Variants in FAM114A2 observed in about 807,000 individuals in gnomAD.
The protein encoded by FAM114A2 is protein FAM114A2.
In FAM114A2, 53 loss-of-function variants were observed where a neutral mutation model predicts 58.4. The observed-to-expected ratio is 0.91, with a 90% CI of 0.73 to 1.14. The LOEUF is 1.14. FAM114A2 is among the 50% of genes most tolerant of loss of function. The pLI, the probability that FAM114A2 is intolerant of heterozygous loss-of-function variation, is 0.00. For synonymous variants in FAM114A2, 228 were observed against 211.4 expected (o/e 1.08, Z -0.68); for missense variants, 601 against 581.1 (o/e 1.03, Z -0.35).
chr5:154,029,632 A>C, intron 4 of FAM114A2, 52 bp from the exon 5 acceptor site: 8 of 963,704 alleles, frequency 8.3e-6, no homozygotes, highest in African/African-American at 1.6e-5. Context: ...CTTAACTCTC[A>C]GGCTTTATTA....
At position 154,034,177 on chromosome 5, in the gene FAM114A2, T is replaced by C. The variant is rs969565172; in HGVS notation, c.310+101A>G. Reference sequence around the variant, plus strand: ...ATCCTCAAATTATAAAGCCTTTGAGTAAACATGGAAGGAAGAAGAATTTTA... The same window carrying C: ...ATCCTCAAATTATAAAGCCTTTGAGCAAACATGGAAGGAAGAAGAATTTTA... On this transcript the variant is annotated intron_variant, in intron 3 of 13. Coordinates refer to ENST00000351797, the MANE Select transcript of FAM114A2 (RefSeq NM_018691.4). 2.1e-5 allele frequency: 16 copies of C among 750,098 alleles called. No homozygotes were observed. In the Admixed American group the frequency reaches 4.3e-4, roughly 20 times the overall value. 46.5% of individuals were successfully genotyped at this position (750,098 alleles called of 1,614,324 possible).
intron 8 of FAM114A2, among the ~76,000 whole-genome samples, chr5:154,016,105 A>G (rs1771022456): frequency 6.6e-6 from 1 of 152,144 alleles, no homozygotes; most frequent in Non-Finnish European, 1.5e-5. Context: ...AAAGCATCCA[A>G]GAAGTCTGGG....
chr5:154,013,901 C>T (rs1402547819), intron 8 of FAM114A2, among the ~76,000 whole-genome samples: 2 of 152,102 alleles, frequency 1.3e-5, no homozygotes, highest in Non-Finnish European at 2.9e-5. Context: ...TACTATATGC[C>T]ACATATTAAA....
Position 153,992,931 on chromosome 5 carries a change from C to A in FAM114A2, c.*45G>T. 6.3e-7 allele frequency: 1 copy of A among 1,580,738 alleles called. No homozygotes were observed. ...TGCAGGAGTAGCCAGAATAAGGTGG[C>A]ATTCCTTGGCCGTCACAAGTCCCAG... is the stretch of plus-strand genomic sequence containing the variant. On this transcript the variant is annotated 3_prime_UTR_variant, in exon 14 of 14. Coordinates refer to ENST00000351797, the MANE Select transcript of FAM114A2 (RefSeq NM_018691.4).
At chr5:154,023,344 T>A (rs1275165066) in intron 8 of FAM114A2, among the ~76,000 whole-genome samples, 1 of 151,936 alleles carries the variant, frequency 6.6e-6, no homozygotes, top group South Asian at 2.1e-4. Flanking sequence ...GCAGCACAAT[T>A]CAAAAGTGCA....
intron 5 of FAM114A2, among the ~76,000 whole-genome samples, chr5:154,028,767 T>C (rs1771974568): frequency 6.6e-6 from 1 of 152,232 alleles, no homozygotes; most frequent in Non-Finnish European, 1.5e-5. Context: ...ATACTATATA[T>C]GATTCCACTT....
chr5:154,034,485 G>T, intron 2 of FAM114A2, 108 bp from the exon 3 acceptor site: 1 of 679,742 alleles, frequency 1.5e-6, no homozygotes, highest in South Asian at 2.0e-5. Context: ...AAGCATGGGT[G>T]AACAAATACA....
intron 1 of FAM114A2, among the ~76,000 whole-genome samples, chr5:154,037,584 T>C (rs1319980012): frequency 6.6e-6 from 1 of 152,230 alleles, no homozygotes. Flanking sequence ...TATCTTTTCC[T>C]TATGCTCTCT....
chr5:154,032,901 C>A (rs1472220487), intron 4 of FAM114A2, among the ~76,000 whole-genome samples: 2 of 152,172 alleles, frequency 1.3e-5, no homozygotes, highest in Non-Finnish European at 2.9e-5. Flanking sequence ...GACTTTCATT[C>A]ACACATGCTG....
At chr5:154,003,681 G>C (rs1770161093) in intron 9 of FAM114A2, among the ~76,000 whole-genome samples, 3 of 152,030 alleles carry the variant, frequency 2.0e-5, no homozygotes, top group Non-Finnish European at 2.9e-5. Context: ...CCTGCCCAAA[G>C]ACAAACCCTC....
chr5:153,997,934 T>C (rs1769691837), intron 11 of FAM114A2, 59 bp from the exon 12 acceptor site: 2 of 1,028,250 alleles, frequency 1.9e-6, no homozygotes, highest in Admixed American at 3.9e-5. Context: ...ATAAGTTATA[T>C]TTAACAATTG....
intron 8 of FAM114A2, 70 bp from the exon 9 acceptor site, chr5:154,011,390 G>A: frequency 9.9e-7 from 1 of 1,007,970 alleles, no homozygotes; most frequent in Admixed American, 1.8e-5. Context: ...CAGGCGAGGA[G>A]GAAGAGGAGA....
intron 8 of FAM114A2, among the ~76,000 whole-genome samples, chr5:154,015,051 T>C (rs1400989203): frequency 6.6e-6 from 1 of 152,056 alleles, no homozygotes; most frequent in Non-Finnish European, 1.5e-5. Flanking sequence ...ACAACCTGCA[T>C]GACACAGCAG....
At chr5:154,014,511 C>A (rs939362030) in intron 8 of FAM114A2, among the ~76,000 whole-genome samples, 1 of 152,134 alleles carries the variant, frequency 6.6e-6, no homozygotes, top group Non-Finnish European at 1.5e-5. Flanking sequence ...AAAGGGAGAT[C>A]ATCTACCCCA....
intron 11 of FAM114A2, among the ~76,000 whole-genome samples, chr5:153,999,813 T>C (rs1769849715): frequency 6.6e-6 from 1 of 152,012 alleles, no homozygotes; most frequent in Non-Finnish European, 1.5e-5. Context: ...ATAAATTATA[T>C]CAAAGGGATA....
At chr5:154,026,283 A>G (rs979515611) in intron 8 of FAM114A2, 116 bp downstream of exon 8, 29 of 783,962 alleles carry the variant, frequency 3.7e-5, no homozygotes, top group Non-Finnish European at 4.8e-5. Context: ...AAAAATTTTC[A>G]CCAAAAAAGT....
intron 8 of FAM114A2, among the ~76,000 whole-genome samples, chr5:154,019,783 A>C (rs146956392): frequency 8.5e-4 from 130 of 152,310 alleles, no homozygotes; most frequent in African/African-American, 3.0e-3. Flanking sequence ...GAAGTAGGGA[A>C]AGGACACCCT....
At chr5:154,012,925 A>G (rs997815674) in intron 8 of FAM114A2, among the ~76,000 whole-genome samples, 2 of 152,038 alleles carry the variant, frequency 1.3e-5, no homozygotes, top group Non-Finnish European at 2.9e-5. Context: ...GATTTATCTC[A>G]TTCTATTAAA....
At position 154,026,932 on chromosome 5, in the gene FAM114A2, T is replaced by G. The variant is rs10053666; in HGVS notation, c.789+244A>C. On this transcript the variant is annotated intron_variant, in intron 7 of 13. Coordinates refer to ENST00000351797, the MANE Select transcript of FAM114A2 (RefSeq NM_018691.4). Reference sequence around the variant, plus strand: ...GAAGGAAAAATAACACATGTCCTATTAAGACCTCTTTGTTAACCTTTTTTG... The same window carrying G: ...GAAGGAAAAATAACACATGTCCTATGAAGACCTCTTTGTTAACCTTTTTTG... 8.0e-3 allele frequency among the ~76,000 whole-genome samples: 1,213 copies of G among 152,056 alleles called. 17 individuals are homozygous for G. Among genetic ancestry groups the G allele is most frequent in the African/African-American group, 0.028 (1,170 of 41,504 alleles).
Sources: allele counts gnomAD v4.1 joint callset (sites outside exome capture counted in the v4.1 genomes callset), GRCh38; gene constraint gnomAD v4.1.1; transcripts MANE v1.5; gene names NCBI Gene and HGNC (gene_info 2026-07-23, HGNC 2026-07-21).